Variants in RIT2 observed in about 807,000 individuals in gnomAD.
RIT2 encodes the protein Ras like without CAAX 2.
A neutral mutation model predicts 23.7 loss-of-function variants in RIT2; 24 were observed. That is an observed-to-expected ratio of 1.01 (90% confidence interval 0.73 to 1.43). RIT2 has a LOEUF of 1.43. RIT2 is among the 40% of genes most tolerant of loss of function. The pLI, the probability that RIT2 is intolerant of heterozygous loss-of-function variation, is 0.00. For synonymous variants in RIT2, 107 were observed against 91.1 expected (o/e 1.17, Z -0.99); for missense variants, 236 against 266.9 (o/e 0.88, Z 0.81).
At chr18:42,927,587 T>C (rs1292746095) in intron 3 of RIT2, among the ~76,000 whole-genome samples, 1 of 151,988 alleles carries the variant, frequency 6.6e-6, no homozygotes, top group Non-Finnish European at 1.5e-5. Context: ...TACTTTCTGT[T>C]TGATGTATCC....
chr18:42,759,778 T>TATAC (rs1294845270), intron 4 of RIT2, among the ~76,000 whole-genome samples: 2 of 149,524 alleles, frequency 1.3e-5, no homozygotes, highest in African/African-American at 5.0e-5. Context: ...TATATATATA[T>TATAC]ATAAATTTTT....
At chr18:42,987,571 A>G (rs148199042) in intron 2 of RIT2, among the ~76,000 whole-genome samples, 368 of 152,360 alleles carry the variant, frequency 2.4e-3, no homozygotes, top group Non-Finnish European at 4.3e-3. Context: ...ATGTACATGT[A>G]GAGTTACACA....
chr18:43,071,879 A>G (rs1343528586), intron 1 of RIT2, among the ~76,000 whole-genome samples: 1 of 149,814 alleles, frequency 6.7e-6, no homozygotes, highest in Non-Finnish European at 1.5e-5. Flanking sequence ...AGCATACTAT[A>G]CCTTTTTTTG....
chr18:43,069,270 C>T (rs895223599), intron 1 of RIT2, among the ~76,000 whole-genome samples: 3 of 152,090 alleles, frequency 2.0e-5, no homozygotes, highest in Non-Finnish European at 4.4e-5. Flanking sequence ...CCTCCTCTTA[C>T]TATTGGGAAC....
At chr18:42,969,818 T>TAAAAA (rs1910321125) in intron 3 of RIT2, among the ~76,000 whole-genome samples, 1 of 152,108 alleles carries the variant, frequency 6.6e-6, no homozygotes, top group Non-Finnish European at 1.5e-5. Context: ...TAAAATACTT[T>TAAAAA]ATCTTTAATT....
At chr18:42,949,188 C>T in intron 3 of RIT2, 1 of 393,858 alleles carries the variant, frequency 2.5e-6, no homozygotes, top group Non-Finnish European at 4.5e-6. Context: ...CCAAAAGGGG[C>T]ACATGTGTGC....
At chr18:43,098,968 A>C (rs1013367753) in intron 1 of RIT2, among the ~76,000 whole-genome samples, 2 of 152,064 alleles carry the variant, frequency 1.3e-5, no homozygotes, top group East Asian at 3.9e-4. Flanking sequence ...CATCTGGCCT[A>C]TGCTCCTAAG....
chr18:43,088,510 A>G (rs936752535), intron 1 of RIT2, among the ~76,000 whole-genome samples: 1 of 152,198 alleles, frequency 6.6e-6, no homozygotes, highest in Non-Finnish European at 1.5e-5. Context: ...GGTGTAATTC[A>G]GGGCAAGAAT....
intron 4 of RIT2, among the ~76,000 whole-genome samples, chr18:42,833,338 C>T (rs761011207): frequency 3.9e-5 from 6 of 152,220 alleles, no homozygotes; most frequent in African/African-American, 9.6e-5. Context: ...ATGGCTAAAT[C>T]GTATTCCATT....
chr18:42,829,079 T>C (rs1906384749), intron 4 of RIT2, among the ~76,000 whole-genome samples: 1 of 152,054 alleles, frequency 6.6e-6, no homozygotes, highest in African/African-American at 2.4e-5. Context: ...CCTTCCTGGA[T>C]CATTGGAAGA....
chr18:42,951,804 T>C (rs1456670410), intron 3 of RIT2, among the ~76,000 whole-genome samples: 2 of 152,126 alleles, frequency 1.3e-5, no homozygotes, highest in Non-Finnish European at 2.9e-5. Context: ...GTGGTTTATA[T>C]ACATACACTG....
At position 42,972,507 on chromosome 18, in the gene RIT2, T is replaced by C. The variant is rs1910385396; in HGVS notation, c.234+1567A>G. The stretch of plus-strand genomic sequence containing the variant: ...TGAAAATAAGTACAAAGGGAAATAA[T>C]ATGATGAAGATTTGTGTATACATGA... On this transcript the variant is annotated intron_variant, in intron 3 of 4. Transcript: ENST00000326695. Among the ~76,000 whole-genome samples the C allele has an allele frequency of 1.3e-5, 2 of 151,842 alleles. 1 individual carries two copies. Among genetic ancestry groups the C allele is most frequent in the South Asian group, 4.1e-4 (2 of 4,830 alleles).
intron 2 of RIT2, among the ~76,000 whole-genome samples, chr18:43,026,198 A>G (rs1006052908): frequency 6.6e-6 from 1 of 152,024 alleles, no homozygotes; most frequent in Non-Finnish European, 1.5e-5. Flanking sequence ...GGCAAAAGAA[A>G]AAAATCAAGA....
intron 1 of RIT2, among the ~76,000 whole-genome samples, chr18:43,083,703 C>G (rs981273418): frequency 1.3e-5 from 2 of 152,052 alleles, no homozygotes; most frequent in Non-Finnish European, 2.9e-5. Context: ...GAAACTGGAC[C>G]CCTTCTTTGC....
chr18:42,942,103 TAA>T (rs530775452), intron 3 of RIT2, among the ~76,000 whole-genome samples: 2 of 143,694 alleles, frequency 1.4e-5, no homozygotes. Flanking sequence ...ATTGTTCAAG[TAA>T]AAAAAAAAAA....
chr18:43,033,137 C>G (rs1911896831), intron 2 of RIT2, among the ~76,000 whole-genome samples: 1 of 152,094 alleles, frequency 6.6e-6, no homozygotes, highest in Non-Finnish European at 1.5e-5. Context: ...AAATTTCCAG[C>G]CAATTCTTTA....
At chr18:42,805,598 T>C (rs1218209027) in intron 4 of RIT2, among the ~76,000 whole-genome samples, 2 of 152,226 alleles carry the variant, frequency 1.3e-5, no homozygotes, top group Non-Finnish European at 2.9e-5. Context: ...CCTGATTTTG[T>C]AACATCATGT....
At chr18:42,914,904 A>C (rs528406438) in intron 4 of RIT2, among the ~76,000 whole-genome samples, 1 of 152,120 alleles carries the variant, frequency 6.6e-6, no homozygotes, top group Admixed American at 6.6e-5. Flanking sequence ...GTTTTTATAC[A>C]CATTTGTTTG....
intron 4 of RIT2, among the ~76,000 whole-genome samples, chr18:42,795,897 ATC>A (rs1905335557): frequency 6.6e-6 from 1 of 152,120 alleles, no homozygotes; most frequent in African/African-American, 2.4e-5. Flanking sequence ...GACACTCTGT[ATC>A]TAGTTAATCT....
Sources: allele counts gnomAD v4.1 joint callset (sites outside exome capture counted in the v4.1 genomes callset), GRCh38; gene constraint gnomAD v4.1.1; transcripts MANE v1.5; gene names NCBI Gene and HGNC (gene_info 2026-07-23, HGNC 2026-07-21).